The following AGBL1 variants were observed in gnomAD, a reference collection of about 807,000 sequenced individuals.
AGBL1 encodes AGBL carboxypeptidase 1.
AGBL1 carries 130 observed loss-of-function variants against 118.9 expected under a neutral mutation model. That is an observed-to-expected ratio of 1.09 (90% CI 0.95 to 1.26). AGBL1 has a LOEUF of 1.26. AGBL1 is among the 50% of genes most tolerant of loss of function. AGBL1 has a pLI of 0.00. For synonymous variants in AGBL1, 555 were observed against 478.9 expected (o/e 1.16, Z -2.08); for missense variants, 1,584 against 1,298.1 (o/e 1.22, Z -3.38).
intron 23 of AGBL1, among the ~76,000 whole-genome samples, chr15:86,946,843 C>CAAAA (rs11355715): frequency 2.0e-5 from 2 of 100,104 alleles, no homozygotes; most frequent in African/African-American, 3.8e-5. Context: ...AAACTCGGTC[C>CAAAA]AAAAAAAAAA....
intron 21 of AGBL1, among the ~76,000 whole-genome samples, chr15:86,595,260 TC>T (rs1180938313): frequency 6.6e-6 from 1 of 152,156 alleles, no homozygotes; most frequent in African/African-American, 2.4e-5. Flanking sequence ...CCAGCTTGGA[TC>T]TTTTTTTCTA....
chr15:86,302,320 T>G (rs906615893), intron 17 of AGBL1, among the ~76,000 whole-genome samples: 1 of 152,144 alleles, frequency 6.6e-6, no homozygotes, highest in African/African-American at 2.4e-5. Context: ...AAGACAGTAA[T>G]TATTACACCT....
intron 18 of AGBL1, among the ~76,000 whole-genome samples, chr15:86,484,154 A>G (rs1005153264): frequency 5.3e-4 from 81 of 152,232 alleles, no homozygotes; most frequent in African/African-American, 1.9e-3. Flanking sequence ...CTGAAAGAGG[A>G]AGTATACTTT....
intron 17 of AGBL1, among the ~76,000 whole-genome samples, chr15:86,350,862 T>G (rs2080614645): frequency 6.6e-6 from 1 of 152,238 alleles, no homozygotes; most frequent in Admixed American, 6.5e-5. Flanking sequence ...TATGCCCTGG[T>G]GGCTTATGCC....
intron 12 of AGBL1, among the ~76,000 whole-genome samples, 157 bp from the exon 13 acceptor site, chr15:86,266,833 G>A (rs370500645): frequency 1.3e-5 from 2 of 152,152 alleles, no homozygotes; most frequent in South Asian, 2.1e-4. Flanking sequence ...CCTGGGAGGC[G>A]GAGGTTGCAG....
intron 23 of AGBL1, among the ~76,000 whole-genome samples, chr15:86,928,742 C>G (rs1016298552): frequency 1.8e-4 from 27 of 152,140 alleles, no homozygotes; most frequent in African/African-American, 6.5e-4. Flanking sequence ...ATGTTTCTGG[C>G]AATAAAGCAT....
chr15:86,827,805 G>A (rs888629593), intron 22 of AGBL1, among the ~76,000 whole-genome samples: 4 of 150,002 alleles, frequency 2.7e-5, no homozygotes, highest in Non-Finnish European at 5.9e-5. Context: ...TCTAGATCCT[G>A]CAAAAGCCAG....
At chr15:86,948,068 G>C (rs1286847719) in intron 23 of AGBL1, among the ~76,000 whole-genome samples, 1 of 152,092 alleles carries the variant, frequency 6.6e-6, no homozygotes, top group Non-Finnish European at 1.5e-5. Flanking sequence ...TGGCTATACT[G>C]GTTTAACATT....
chr15:86,941,552 AT>A (rs1451031524), intron 23 of AGBL1, among the ~76,000 whole-genome samples: 3 of 152,224 alleles, frequency 2.0e-5, no homozygotes, highest in Non-Finnish European at 4.4e-5. Flanking sequence ...TGGAGAGGCC[AT>A]TTTGTGGCTC....
At chr15:86,769,975 G>A (rs1321097147) in intron 22 of AGBL1, among the ~76,000 whole-genome samples, 1 of 151,858 alleles carries the variant, frequency 6.6e-6, no homozygotes, top group Non-Finnish European at 1.5e-5. Flanking sequence ...ATTCCGCTGG[G>A]CTCCTCAACC....
In AGBL1 at chr15:86,154,412, AT is replaced by A; in HGVS notation, c.263-16del. 1 of 1,609,098 alleles carries A rather than the reference AT, an allele frequency of 6.2e-7. No individual in the cohort carries two copies. The highest frequency in any genetic ancestry group is 8.5e-7 in the Non-Finnish European group (1 of 1,177,614). ...TCAATGTGAAGTGCAACTAAGATAG[AT>A]TGATTTGTGTTCTTAGATAAAAAGA... On this transcript the variant is annotated splice_polypyrimidine_tract_variant and intron_variant, in intron 3 of 22. Coordinates refer to ENST00000614907, the MANE Select transcript of AGBL1 (RefSeq NM_001386094.1).
At chr15:86,851,078 T>C (rs1200509227) in intron 22 of AGBL1, among the ~76,000 whole-genome samples, 4 of 152,186 alleles carry the variant, frequency 2.6e-5, no homozygotes, top group African/African-American at 9.7e-5. Flanking sequence ...GACCTTCTGA[T>C]TAAGGGTGAG....
chr15:86,453,664 T>C (rs2082225388), intron 18 of AGBL1, among the ~76,000 whole-genome samples: 1 of 152,182 alleles, frequency 6.6e-6, no homozygotes, highest in South Asian at 2.1e-4. Flanking sequence ...ATTAGCATCT[T>C]TTCCAGTGCC....
At chr15:86,460,464 C>T (rs2082320089) in intron 18 of AGBL1, among the ~76,000 whole-genome samples, 1 of 151,926 alleles carries the variant, frequency 6.6e-6, no homozygotes, top group Non-Finnish European at 1.5e-5. Flanking sequence ...CCACTGCACT[C>T]CAGTCTGGGC....
At chr15:86,153,789 T>C (rs1237577474) in intron 3 of AGBL1, among the ~76,000 whole-genome samples, 1 of 152,206 alleles carries the variant, frequency 6.6e-6, no homozygotes, top group Non-Finnish European at 1.5e-5. Flanking sequence ...TTCTAACCAA[T>C]GTTAACATTT....
At chr15:86,459,017 A>G (rs1567002314) in intron 18 of AGBL1, among the ~76,000 whole-genome samples, 2 of 152,146 alleles carry the variant, frequency 1.3e-5, no homozygotes, top group South Asian at 2.1e-4. Flanking sequence ...TCTCATACAT[A>G]TCCTCGAATG....
Position 86,988,022 on chromosome 15 carries a change from G to A in AGBL1, c.3257G>A (p.Trp1086Ter). ...TCCAATTTCCTGCCAAAGCATATTT[G>A]GTTTGCTTACCACTTTTTTGCCATT... Residue 1086 changes from tryptophan to a stop codon, truncating the protein, a stop_gained, in exon 24 of 25, where the codon TGG becomes TAG. Coordinates refer to the AGBL1 transcript ENST00000441037. LOFTEE classifies it high-confidence loss of function. The A allele has an allele frequency of 6.2e-7, 1 of 1,613,306 alleles. No individual in the cohort carries two copies. The highest frequency in any genetic ancestry group is 8.5e-7 in the Non-Finnish European group (1 of 1,179,628).
At chr15:86,248,870 G>A (rs1417849275) in intron 7 of AGBL1, among the ~76,000 whole-genome samples, 1 of 152,140 alleles carries the variant, frequency 6.6e-6, no homozygotes, top group Non-Finnish European at 1.5e-5. Flanking sequence ...TTCTTTTAGA[G>A]AGAGAGGTCA....
chr15:86,155,442 C>T (rs1435823310), intron 4 of AGBL1, among the ~76,000 whole-genome samples: 2 of 151,964 alleles, frequency 1.3e-5, no homozygotes, highest in African/African-American at 2.4e-5. Flanking sequence ...AGAGTGAGAC[C>T]TTGTCTTAAA....
Sources: gnomAD v4.1 joint callset for allele counts (sites outside exome capture counted in the v4.1 genomes callset) on GRCh38, gnomAD v4.1.1 for gene constraint, MANE v1.5 for transcripts, NCBI Gene and HGNC (gene_info 2026-07-23, HGNC 2026-07-21) for gene names.